TM2D1: variants seen among roughly 807,000 people sequenced by gnomAD.
TM2D1 encodes the protein TM2 domain-containing protein 1.
A neutral mutation model predicts 28.4 loss-of-function variants in TM2D1; 15 were observed. The observed-to-expected ratio is 0.53, with a 90% CI of 0.35 to 0.81. The LOEUF (loss-of-function observed/expected upper bound fraction) is 0.81. Ranked by LOEUF, TM2D1 falls within the 40% of genes least tolerant of loss-of-function variation. The pLI is 0.01. For missense variants in TM2D1, 236 were observed against 254.9 expected, an observed-to-expected ratio of 0.93 and a Z score of 0.50; for synonymous variants, 93 against 96.2, an observed-to-expected ratio of 0.97 and a Z score of 0.20.
At chr1:61,704,258 T>C (rs1644425281) in intron 3 of TM2D1, among the ~76,000 whole-genome samples, 1 of 151,850 alleles carries the variant, frequency 6.6e-6, no homozygotes, top group African/African-American at 2.4e-5. Context: ...ATATGGCACA[T>C]ATATATATAC....
intron 1 of TM2D1, 44 bp downstream of exon 1, chr1:61,724,913 A>ACT: frequency 6.5e-7 from 1 of 1,539,638 alleles, no homozygotes; most frequent in Middle Eastern, 1.7e-4. Flanking sequence ...TGCGACCCCA[A>ACT]CTCTACCTCG....
In TM2D1 at chr1:61,681,064, T is replaced by C. The variant is rs1644240289; in HGVS notation, c.*306A>G. On this transcript the variant is annotated 3_prime_UTR_variant, in exon 7 of 7. Transcript: ENST00000606498. ...CTAAAAATGTGAATAAGTTATACTT[T>C]TATTTTTCAGAAACAAAAATGACAA... 1 of 153,816 alleles carries C rather than the reference T, an allele frequency of 6.5e-6. No homozygotes were observed. The highest frequency in any genetic ancestry group is 2.1e-4 in the South Asian group (1 of 4,838). The allele number at this position is 153,816 out of a possible 1,614,324, so 9.5% of individuals were successfully genotyped here.
rs1644240761 is a variant in TM2D1 at position 61,681,136 on chromosome 1, G to A, written c.*234C>T. The A allele has an allele frequency of 1.3e-5, 2 of 153,688 alleles. No individual in the cohort carries two copies. The highest frequency in any genetic ancestry group is 2.4e-5 in the African/African-American group (1 of 41,436). The allele number at this position is 153,688 out of a possible 1,614,324, so 9.5% of individuals were successfully genotyped here. On this transcript the variant is annotated 3_prime_UTR_variant, in exon 7 of 7. Coordinates refer to ENST00000606498, the MANE Select transcript of TM2D1 (RefSeq NM_032027.3). ...AGATTAAAGAGTATCAGAGTAATAA[G>A]CTATCTCTCATAGAGACAGAAGCCC...
intron 3 of TM2D1, among the ~76,000 whole-genome samples, chr1:61,708,244 T>A (rs780279772): frequency 2.0e-5 from 3 of 152,082 alleles, no homozygotes; most frequent in Non-Finnish European, 4.4e-5. Flanking sequence ...AGACAGGGTC[T>A]CCCTACTTTG....
intron 2 of TM2D1, among the ~76,000 whole-genome samples, chr1:61,712,565 C>T (rs1644486641): frequency 6.6e-6 from 1 of 152,032 alleles, no homozygotes; most frequent in Admixed American, 6.6e-5. Context: ...CACCTGCTAC[C>T]ATGTCCAATT....
At chr1:61,695,186 A>C (rs1366902852) in intron 4 of TM2D1, among the ~76,000 whole-genome samples, 3 of 151,914 alleles carry the variant, frequency 2.0e-5, no homozygotes, top group African/African-American at 7.3e-5. Context: ...TTAAAATATA[A>C]AAATTGTCAT....
In TM2D1 at chr1:61,723,723, G is replaced by A. The variant is rs772462194; in HGVS notation, c.228C>T (p.Tyr76=). ...TTCTTGAAGTCTTACCATGAGCTGT[G>A]TAGTTTGTACAGTTAACTGGTTCTT... ...ATQEPVNCTN[Y]TAHVSCFPAP... The change falls in exon 2 of 7, where the codon TAC becomes TAT. Residue 76 remains tyrosine (Y), a synonymous_variant. Transcript: ENST00000606498. 4 of 1,539,558 alleles carry A rather than the reference G, an allele frequency of 2.6e-6. No homozygotes were observed. The highest frequency in any genetic ancestry group is 3.5e-6 in the Non-Finnish European group (4 of 1,132,296).
At chr1:61,692,161 T>G (rs944913167) in intron 5 of TM2D1, among the ~76,000 whole-genome samples, 1 of 151,616 alleles carries the variant, frequency 6.6e-6, no homozygotes, top group African/African-American at 2.4e-5. Context: ...TCATTCATAT[T>G]ATCTGTATAT....
intron 4 of TM2D1, among the ~76,000 whole-genome samples, chr1:61,700,561 GAA>G (rs1644394017): frequency 1.3e-5 from 2 of 152,290 alleles, no homozygotes; most frequent in Non-Finnish European, 2.9e-5. Flanking sequence ...GGGCAATGGT[GAA>G]AGAGATTTGG....
chr1:61,681,413 G>A (rs538435816), intron 6 of TM2D1, 63 bp from the exon 7 acceptor site: 12 of 152,296 alleles, frequency 7.9e-5, no homozygotes, highest in African/African-American at 2.9e-4. Context: ...TGAGGTTATT[G>A]CAGATGTACA....
chr1:61,697,329 C>A (rs1209411190), intron 4 of TM2D1, among the ~76,000 whole-genome samples: 1 of 151,458 alleles, frequency 6.6e-6, no homozygotes. Flanking sequence ...TTCTTTCCCT[C>A]TTTTCCTTTC....
At position 61,700,996 on chromosome 1, in the gene TM2D1, G is replaced by A. The variant is rs1177529401; in HGVS notation, c.377C>T (p.Ala126Val). 1.2e-6 allele frequency: 2 copies of A among 1,609,848 alleles called. No individual in the cohort carries two copies. Among genetic ancestry groups the A allele is most frequent in the East Asian group, 2.2e-5 (1 of 44,624 alleles). The part of the protein sequence containing the change: ...VNGYSYKVAV[A>V]LSLFLGWLGA... ...CAACCATCCAAGAAAAAGAGACAAT[G>A]CGACTGCCACTTTGTAGGAATAGCC... Residue 126 changes from alanine (A) to valine (V), a missense_variant, in exon 4 of 7, where the codon GCA becomes GTA. Transcript: ENST00000606498.
chr1:61,706,886 A>G (rs1186987175), intron 3 of TM2D1, among the ~76,000 whole-genome samples: 1 of 125,708 alleles, frequency 8.0e-6, no homozygotes, highest in African/African-American at 2.5e-5. Context: ...TATTGTAAGA[A>G]GGGAATAAGC....
chr1:61,717,819 A>T (rs1215834150), intron 2 of TM2D1, among the ~76,000 whole-genome samples: 1 of 152,044 alleles, frequency 6.6e-6, no homozygotes, highest in Non-Finnish European at 1.5e-5. Context: ...TTTCATAACA[A>T]TAAAAAAAAA....
chr1:61,689,533 C>A (rs912443717), intron 5 of TM2D1, among the ~76,000 whole-genome samples: 2 of 152,030 alleles, frequency 1.3e-5, no homozygotes, highest in Admixed American at 1.3e-4. Context: ...CCACACCTGG[C>A]AAATTTTTTA....
chr1:61,716,465 ATAAT>A (rs2148065485), intron 2 of TM2D1, among the ~76,000 whole-genome samples: 1 of 145,718 alleles, frequency 6.9e-6, no homozygotes, highest in Admixed American at 7.0e-5. Flanking sequence ...ATATACATAT[ATAAT>A]TATATATAAT....
At chr1:61,720,741 T>C (rs971974721) in intron 2 of TM2D1, among the ~76,000 whole-genome samples, 1 of 152,152 alleles carries the variant, frequency 6.6e-6, no homozygotes, top group Non-Finnish European at 1.5e-5. Flanking sequence ...TACCAATAAA[T>C]ACTTTCTCAA....
rs1048222775 is a variant in TM2D1, at chr1:61,709,354, A to G, written c.322T>C (p.Phe108Leu). ...THFTGNEVGF[F>L]KPISCRNVNG... ...ACATTTCGGCAAGATATGGGCTTGA[A>G]AAAACCAACTTCGTTCCCAGTAAAA... Residue 108 changes from phenylalanine (F) to leucine (L), a missense_variant, in exon 3 of 7, where the codon TTC becomes CTC. By Grantham distance (22) the Phe-to-Leu change is conservative (BLOSUM62 0). This residue lies in a region of TM2D1 where 167 missense variants were observed against 162.7 expected (regional missense o/e 1.03). Transcript: ENST00000606498. 1.2e-6 allele frequency: 2 copies of G among 1,613,518 alleles called. No individual in the cohort carries two copies. Among genetic ancestry groups the G allele is most frequent in the Non-Finnish European group, 1.7e-6 (2 of 1,179,592 alleles).
rs1644359784 is a variant in TM2D1, at chr1:61,695,891, C to A, written c.440-1121G>T. ...CTAACATTTTATCTTTGATTACTAT[C>A]TGTCACACAGAAGCCCCATTAGGGC... On this transcript the variant is annotated intron_variant, in intron 4 of 6. Transcript: ENST00000606498. Among the ~76,000 whole-genome samples, 5 of 152,196 alleles carry A rather than the reference C, an allele frequency of 3.3e-5. No individual in the cohort carries two copies. In the South Asian group the frequency reaches 8.3e-4, roughly 25 times the overall value.
Sources: allele counts gnomAD v4.1 joint callset (sites outside exome capture counted in the v4.1 genomes callset), GRCh38; gene constraint gnomAD v4.1.1; regional missense constraint gnomAD v4.1.1; transcripts MANE v1.5; gene names NCBI Gene and HGNC (gene_info 2026-07-23, HGNC 2026-07-21).